SLC9C1: variants seen among roughly 807,000 people sequenced by gnomAD.
SLC9C1 encodes sodium/hydrogen exchanger 10.
SLC9C1 carries 97 observed loss-of-function variants against 140.9 expected under a neutral mutation model. The ratio of observed to expected loss-of-function variants is 0.69; its 90% CI spans 0.58 to 0.82. SLC9C1 has a LOEUF of 0.82. Ranked by LOEUF, SLC9C1 falls within the 40% of genes least tolerant of loss-of-function variation. The pLI, the probability that SLC9C1 is intolerant of heterozygous loss-of-function variation, is 0.00. For synonymous variants in SLC9C1, 440 were observed against 442.6 expected, an observed-to-expected ratio of 0.99 and a Z score of 0.07; for missense variants, 1,340 against 1,389.3, an observed-to-expected ratio of 0.96 and a Z score of 0.56.
At chr3:112,267,773 G>C (rs1211872569) in intron 7 of SLC9C1, among the ~76,000 whole-genome samples, 1 of 151,936 alleles carries the variant, frequency 6.6e-6, no homozygotes, top group East Asian at 1.9e-4. Context: ...GGCTGAAAAT[G>C]GTAACAAAGG....
chr3:112,275,049 T>A (rs1253012059), intron 5 of SLC9C1, 24 bp from the exon 6 acceptor site: 16 of 1,537,080 alleles, frequency 1.0e-5, no homozygotes, highest in Non-Finnish European at 1.4e-5. Context: ...GGGGGAAAGA[T>A]GTTTTTTAAA....
chr3:112,247,487 T>C (rs1173073830), intron 10 of SLC9C1, among the ~76,000 whole-genome samples: 1 of 152,192 alleles, frequency 6.6e-6, no homozygotes, highest in Non-Finnish European at 1.5e-5. Flanking sequence ...ACTTATGACA[T>C]CTCTGGGCTT....
intron 26 of SLC9C1, among the ~76,000 whole-genome samples, chr3:112,162,788 A>C (rs528728246): frequency 3.6e-4 from 49 of 135,568 alleles, no homozygotes; most frequent in Non-Finnish European, 3.3e-4. Flanking sequence ...GGCCTCATAA[A>C]ATGAGTTAGG....
At chr3:112,237,584 G>A (rs1337962248) in intron 12 of SLC9C1, among the ~76,000 whole-genome samples, 1 of 152,186 alleles carries the variant, frequency 6.6e-6, no homozygotes, top group Non-Finnish European at 1.5e-5. Flanking sequence ...TGTTTCTGCA[G>A]TGGCTGGTAC....
intron 22 of SLC9C1, 31 bp from the exon 23 acceptor site, chr3:112,179,732 A>G (rs1441445708): frequency 1.3e-6 from 2 of 1,541,558 alleles, no homozygotes; most frequent in Non-Finnish European, 1.7e-6. Flanking sequence ...AGAAAAATAC[A>G]TATGCCAGTT....
chr3:112,155,453 A>T (rs1293075657), intron 26 of SLC9C1, among the ~76,000 whole-genome samples: 2 of 152,184 alleles, frequency 1.3e-5, no homozygotes, highest in Admixed American at 1.3e-4. Context: ...ACAAAGAAAT[A>T]TGACGTGGTA....
chr3:112,157,355 T>C (rs2075153821), intron 26 of SLC9C1, among the ~76,000 whole-genome samples: 1 of 152,166 alleles, frequency 6.6e-6, no homozygotes. Context: ...TTCTGGGTTC[T>C]TTATTCTGCT....
At chr3:112,233,060 TA>T (rs1219517915) in intron 12 of SLC9C1, among the ~76,000 whole-genome samples, 3 of 78,288 alleles carry the variant, frequency 3.8e-5, no homozygotes, top group East Asian at 5.5e-4. Context: ...CATATATATA[TA>T]TATATATTAT....
At chr3:112,177,970 A>G (rs1216395281) in intron 23 of SLC9C1, among the ~76,000 whole-genome samples, 1 of 151,760 alleles carries the variant, frequency 6.6e-6, no homozygotes, top group Non-Finnish European at 1.5e-5. Flanking sequence ...CAAAAATAAA[A>G]ATATCATTTA....
At chr3:112,147,806 T>G (rs2074849215) in intron 28 of SLC9C1, among the ~76,000 whole-genome samples, 1 of 152,212 alleles carries the variant, frequency 6.6e-6, no homozygotes, top group Non-Finnish European at 1.5e-5. Flanking sequence ...TCTGGATGTC[T>G]ACATCTCTAG....
chr3:112,267,340 G>T (rs893333968), intron 7 of SLC9C1, among the ~76,000 whole-genome samples: 1 of 152,016 alleles, frequency 6.6e-6, no homozygotes, highest in Non-Finnish European at 1.5e-5. Flanking sequence ...ACTTTGGGAG[G>T]CCAAGGCGGG....
chr3:112,143,405 GT>G (rs1025804645), intron 28 of SLC9C1, among the ~76,000 whole-genome samples: 5 of 152,034 alleles, frequency 3.3e-5, no homozygotes, highest in African/African-American at 1.2e-4. Context: ...CATATCTGTT[GT>G]TTTTGTCTTT....
chr3:112,282,626 A>G (rs2080389489), intron 2 of SLC9C1, among the ~76,000 whole-genome samples: 1 of 151,024 alleles, frequency 6.6e-6, no homozygotes, highest in Non-Finnish European at 1.5e-5. Context: ...TAATCCTAAT[A>G]ATTTGTTAAG....
chr3:112,250,777 A>G (rs1013297788), intron 10 of SLC9C1, among the ~76,000 whole-genome samples: 1 of 152,226 alleles, frequency 6.6e-6, no homozygotes, highest in Non-Finnish European at 1.5e-5. Flanking sequence ...AAAAAGGGAC[A>G]GTTATATACT....
chr3:112,182,968 G>A (rs2077465998), intron 20 of SLC9C1, among the ~76,000 whole-genome samples: 1 of 152,124 alleles, frequency 6.6e-6, no homozygotes, highest in Non-Finnish European at 1.5e-5. Context: ...TCGTTGTATA[G>A]TATTCGGTTG....
intron 3 of SLC9C1, among the ~76,000 whole-genome samples, chr3:112,280,297 T>A (rs2080322223): frequency 6.6e-6 from 1 of 152,224 alleles, no homozygotes; most frequent in African/African-American, 2.4e-5. Flanking sequence ...AATAGATTAG[T>A]TCAATATTAT....
In SLC9C1 at chr3:112,141,168, T is replaced by G. The variant is rs576341037; in HGVS notation, c.*104A>C. The G allele has an allele frequency of 8.7e-4, 1,064 of 1,226,756 alleles. 3 individuals carry two copies. Among genetic ancestry groups the G allele is most frequent in the Middle Eastern group, 1.8e-3 (9 of 4,898 alleles). The allele number at this position is 1,226,756 out of a possible 1,614,324, so 76.0% of individuals were successfully genotyped here. On this transcript the variant is annotated 3_prime_UTR_variant, in exon 29 of 29. Transcript: ENST00000305815. ...TAGCACCAAGATCATCCACACAGGA[T>G]CCAACCTGAAGTTACTCCTTCTTGA...
intron 10 of SLC9C1, among the ~76,000 whole-genome samples, chr3:112,255,064 G>A (rs76485120): frequency 6.6e-6 from 1 of 152,078 alleles, no homozygotes; most frequent in Non-Finnish European, 1.5e-5. Context: ...ACCTAACAGA[G>A]GAGCACTGAG....
intron 8 of SLC9C1, among the ~76,000 whole-genome samples, chr3:112,265,470 A>G (rs906230347): frequency 1.3e-5 from 2 of 152,126 alleles, no homozygotes; most frequent in African/African-American, 4.8e-5. Flanking sequence ...ATAAGACCCT[A>G]TATCTTTTAA....
Sources: gnomAD v4.1 joint callset for allele counts (sites outside exome capture counted in the v4.1 genomes callset) on GRCh38, gnomAD v4.1.1 for gene constraint, MANE v1.5 for transcripts, NCBI Gene and HGNC (gene_info 2026-07-23, HGNC 2026-07-21) for gene names.